The following NLRP14 variants were observed in gnomAD, a reference collection of about 807,000 sequenced individuals.
NLRP14 encodes the protein NLR family pyrin domain containing 14.
In NLRP14, 105 loss-of-function variants were observed where a neutral mutation model predicts 94.7. That is an observed-to-expected ratio of 1.11 (90% CI 0.95 to 1.30). The LOEUF is 1.30. Among genes scored for constraint, NLRP14 ranks in the 50% most tolerant of loss-of-function variants. NLRP14 has a pLI of 0.00. For missense variants in NLRP14, 1,362 were observed against 1,254.1 expected (o/e 1.09, Z -1.30); for synonymous variants, 508 against 459.9 (o/e 1.10, Z -1.34).
intron 1 of NLRP14, among the ~76,000 whole-genome samples, chr11:7,025,328 C>T (rs1434367123): frequency 6.6e-6 from 1 of 152,086 alleles, no homozygotes; most frequent in Non-Finnish European, 1.5e-5. Flanking sequence ...TATCATCTCT[C>T]CCTAATGTAG....
chr11:7,025,636 C>T (rs1852004142), intron 1 of NLRP14, among the ~76,000 whole-genome samples: 1 of 152,132 alleles, frequency 6.6e-6, no homozygotes, highest in Non-Finnish European at 1.5e-5. Context: ...CAACCCTATG[C>T]TGTTTTCTAG....
chr11:7,068,801 C>A (rs567608987), intron 10 of NLRP14, among the ~76,000 whole-genome samples: 1 of 152,236 alleles, frequency 6.6e-6, no homozygotes, highest in East Asian at 1.9e-4. Context: ...CAGGTGTGCA[C>A]TACCATGTCT....
chr11:7,075,798 A>G (rs954484759), downstream of NLRP14, among the ~76,000 whole-genome samples: 1 of 152,224 alleles, frequency 6.6e-6, no homozygotes, highest in African/African-American at 2.4e-5. Context: ...TAGGTCATGC[A>G]GACCTCCTTG....
chr11:7,065,948 A>C (rs1423244773), intron 10 of NLRP14, among the ~76,000 whole-genome samples: 1 of 152,084 alleles, frequency 6.6e-6, no homozygotes, highest in Non-Finnish European at 1.5e-5. Context: ...TACAAGTGAG[A>C]ATATGGGATG....
At chr11:7,059,411 C>T (rs1852576020) in intron 8 of NLRP14, among the ~76,000 whole-genome samples, 1 of 151,792 alleles carries the variant, frequency 6.6e-6, no homozygotes, top group Non-Finnish European at 1.5e-5. Flanking sequence ...TTAACGTTTA[C>T]ATGTTAAATT....
chr11:7,042,810 G>A lies in NLRP14; in HGVS notation c.784G>A (p.Asp262Asn), dbSNP rs755407746. Reference protein sequence around the residue: ...SSLLFIIDSFDELNFAFEEPE... With the variant: ...SSLLFIIDSFNELNFAFEEPE... ...CCTCTTGTTTATTATTGACAGTTTC[G>A]ATGAACTGAACTTTGCCTTTGAAGA... is the stretch of plus-strand genomic sequence containing the variant. Residue 262 changes from aspartate to asparagine, a missense_variant, in exon 4 of 12, where the codon GAT becomes AAT. By Grantham distance (23) the Asp-to-Asn change is conservative. Transcript: ENST00000299481. 1.6e-5 allele frequency: 26 copies of A among 1,614,020 alleles called. No homozygotes were observed. The highest frequency in any genetic ancestry group is 1.2e-4 in the African/African-American group (9 of 74,910).
chr11:7,074,578 A>C (rs998237004), downstream of NLRP14, among the ~76,000 whole-genome samples: 4 of 152,360 alleles, frequency 2.6e-5, no homozygotes, highest in Admixed American at 1.3e-4. Flanking sequence ...GAAAATTCTT[A>C]TATTTCTGAA....
chr11:7,081,464 A>G, the NLRP14 span, among the ~76,000 whole-genome samples: 2 of 152,110 alleles, frequency 1.3e-5, no homozygotes, highest in Non-Finnish European at 2.9e-5. Context: ...CTGATAGTGG[A>G]AGAGTTCTTG....
chr11:7,049,050 G>T (rs1316854880), intron 5 of NLRP14, among the ~76,000 whole-genome samples: 4 of 152,240 alleles, frequency 2.6e-5, no homozygotes, highest in South Asian at 4.2e-4. Context: ...AAGGAGGAAA[G>T]GTGGTGTTAC....
intron 4 of NLRP14, among the ~76,000 whole-genome samples, chr11:7,045,690 C>G (rs192410831): frequency 6.6e-6 from 1 of 151,930 alleles, no homozygotes; most frequent in Non-Finnish European, 1.5e-5. Context: ...TATTTATTGA[C>G]TAGCTGTTAT....
chr11:7,052,899 C>T (rs998608593), intron 6 of NLRP14, among the ~76,000 whole-genome samples: 2 of 152,134 alleles, frequency 1.3e-5, no homozygotes, highest in Non-Finnish European at 2.9e-5. Context: ...GAGGTTCTGC[C>T]ACCTGGGAAG....
intron 10 of NLRP14, among the ~76,000 whole-genome samples, chr11:7,066,031 C>T (rs1852699786): frequency 6.6e-6 from 1 of 152,198 alleles, no homozygotes. Context: ...CTGCAAAGGA[C>T]ATGAACTCAT....
Position 7,038,601 on chromosome 11 carries a change from A to G in NLRP14, c.15A>G (p.Ser5=), listed in dbSNP as rs1262784431. ...ATTTGGACAAGATGGCAGATTCATCATCATCTTCTTTCTTTCCTGATTTTG... is the reference window on the plus strand; with the variant it reads ...ATTTGGACAAGATGGCAGATTCATCGTCATCTTCTTTCTTTCCTGATTTTG... MADS[S]SSSFFPDFGL... Residue 5 remains serine, a synonymous_variant, in exon 2 of 12, where the codon TCA becomes TCG. Transcript: ENST00000299481. The G allele has an allele frequency of 6.2e-7, 1 of 1,613,916 alleles. No individual in the cohort carries two copies. Among genetic ancestry groups the G allele is most frequent in the Admixed American group, 1.7e-5 (1 of 60,028 alleles).
chr11:7,064,471 T>C (rs982247922), intron 10 of NLRP14, among the ~76,000 whole-genome samples: 2 of 152,002 alleles, frequency 1.3e-5, no homozygotes, highest in South Asian at 4.1e-4. Flanking sequence ...TGAATTGTTC[T>C]CCTCACTCTC....
the NLRP14 span, chr11:7,089,069 G>T: frequency 2.5e-6 from 4 of 1,580,216 alleles, no homozygotes; most frequent in African/African-American, 5.4e-5. Context: ...GCTGCGACTG[G>T]CGCCGCCTCA....
rs796493756 is a variant in NLRP14, at chr11:7,047,763, C to T, written c.2123+931C>T. On this transcript the variant is annotated intron_variant, in intron 5 of 11. Transcript: ENST00000299481. ...AATTTATCTTCTTTCTCTTTCTTTT[C>T]TTTTCTTTTTTTTTTTTGAGACAGT... is the stretch of plus-strand genomic sequence containing the variant. 2.2e-3 allele frequency among the ~76,000 whole-genome samples: 268 copies of T among 123,822 alleles called. 2 individuals are homozygous for T. The highest frequency in any genetic ancestry group is 7.6e-3 in the African/African-American group (249 of 32,778). The allele number at this position is 123,822 out of a possible 152,430, so 81.2% of individuals were successfully genotyped here. A position where few individuals can be genotyped will look rare whatever the true frequency, so the allele number is the denominator to read the frequency against.
the NLRP14 span, among the ~76,000 whole-genome samples, chr11:7,080,132 G>GT: frequency 6.6e-6 from 1 of 152,178 alleles, no homozygotes; most frequent in Non-Finnish European, 1.5e-5. Context: ...AATTTCTTAC[G>GT]TATTTAACAA....
chr11:7,043,096 A>T lies in NLRP14; in HGVS notation c.1070A>T (p.Lys357Ile). The T allele has an allele frequency of 6.2e-7, 1 of 1,614,184 alleles. No homozygotes were observed. ...GCCATGAAAGTATTCAGTTCACTAA[A>T]AAGCAATGAGATGCTGTTTAGCATG... Reference protein sequence around the residue: ...RWAMKVFSSLKSNEMLFSMCQ... With the variant: ...RWAMKVFSSLISNEMLFSMCQ... Residue 357 changes from lysine to isoleucine, a missense_variant, in exon 4 of 12, where the codon AAA becomes ATA. By Grantham distance (102) the Lys-to-Ile change is moderately radical. Coordinates refer to ENST00000299481, the MANE Select transcript of NLRP14 (RefSeq NM_176822.4).
the NLRP14 span, among the ~76,000 whole-genome samples, chr11:7,078,049 C>T: frequency 6.6e-6 from 1 of 152,086 alleles, no homozygotes; most frequent in South Asian, 2.1e-4. Context: ...ATGTACTTAA[C>T]ACTACTGGAA....
Sources: allele counts gnomAD v4.1 joint callset (sites outside exome capture counted in the v4.1 genomes callset), GRCh38; gene constraint gnomAD v4.1.1; transcripts MANE v1.5; gene names NCBI Gene and HGNC (gene_info 2026-07-23, HGNC 2026-07-21).